Variants in TRIM62 observed in about 807,000 individuals in gnomAD.
TRIM62 encodes the protein tripartite motif containing 62.
Under a neutral mutation model 44.2 loss-of-function variants are expected in TRIM62, and 39 were observed. That is an observed-to-expected ratio of 0.88 (90% CI 0.68 to 1.15). The LOEUF (loss-of-function observed/expected upper bound fraction) is 1.15. TRIM62 is among the 50% of genes most tolerant of loss of function. TRIM62 has a pLI of 0.00. For missense variants in TRIM62, 544 were observed against 665.5 expected (o/e 0.82, Z 2.01); for synonymous variants, 278 against 292.3 (o/e 0.95, Z 0.50).
chr1:33,175,050 T>TATGTATATGTATATGTA (rs1557762590), intron 1 of TRIM62, among the ~76,000 whole-genome samples: 6 of 151,394 alleles, frequency 4.0e-5, no homozygotes, highest in East Asian at 1.9e-4. Context: ...TGTATATGTA[T>TATGTATATGTATATGTA]TTTTTTTAAG....
At chr1:33,169,515 G>A (rs1269423636) in intron 1 of TRIM62, among the ~76,000 whole-genome samples, 2 of 152,292 alleles carry the variant, frequency 1.3e-5, no homozygotes, top group Non-Finnish European at 1.5e-5. Context: ...AAGGGCAGAT[G>A]TATAAATGCT....
intron 4 of TRIM62, among the ~76,000 whole-genome samples, chr1:33,151,986 G>A (rs1337009669): frequency 2.0e-5 from 3 of 152,228 alleles, no homozygotes; most frequent in Non-Finnish European, 4.4e-5. Flanking sequence ...GTTTTCCTCT[G>A]GCCAGGCCTT....
chr1:33,175,050 T>TATGTATATGTATATGTATATGTA (rs1557762590), intron 1 of TRIM62, among the ~76,000 whole-genome samples: 1 of 151,396 alleles, frequency 6.6e-6, no homozygotes, highest in East Asian at 1.9e-4. Flanking sequence ...TGTATATGTA[T>TATGTATATGTATATGTATATGTA]TTTTTTTAAG....
intron 1 of TRIM62, among the ~76,000 whole-genome samples, chr1:33,169,884 G>A (rs1203082488): frequency 6.6e-6 from 1 of 152,134 alleles, no homozygotes; most frequent in Admixed American, 6.5e-5. Context: ...AGCTCGCAGG[G>A]CTCTCCAGGC....
Position 33,165,313 on chromosome 1 carries a change from T to G in TRIM62, c.504+158A>C. 1.6e-6 allele frequency: 1 copy of G among 616,304 alleles called. No individual in the cohort carries two copies. Among genetic ancestry groups the G allele is most frequent in the Non-Finnish European group, 2.8e-6 (1 of 362,156 alleles). The allele number at this position is 616,304 out of a possible 1,614,324, so 38.2% of individuals were successfully genotyped here. On this transcript the variant is annotated intron_variant, in intron 2 of 4. Transcript: ENST00000291416. This position sits in a 1 kb window ranked among gnomAD's most constrained non-coding sequence, Gnocchi z 4.0. ...ATTGAACTTCACGGATGCCCTACCC[T>G]CTTCCCCACCCTGCCCTTCTCACTC...
rs1645033305 is a variant in TRIM62, at chr1:33,147,322, A to T, written c.1283T>A (p.Ile428Asn). The T allele has an allele frequency of 6.2e-7, 1 of 1,614,106 alleles. No individual in the cohort carries two copies. Among genetic ancestry groups the T allele is most frequent in the Admixed American group, 1.7e-5 (1 of 60,010 alleles). ...VFLDYDQGLL[I>N]FYNADDMSWL... ...GGACATGTCATCAGCATTGTAGAAG[A>T]TGAGCAAGCCTTGGTCATAGTCCAG... Residue 428 changes from isoleucine (I) to asparagine (N), a missense_variant, in exon 5 of 5, where the codon ATC becomes AAC. Coordinates refer to ENST00000291416, the MANE Select transcript of TRIM62 (RefSeq NM_018207.3). The surrounding 1 kb of genome is among the most constrained non-coding windows in gnomAD (Gnocchi z 8.1).
chr1:33,151,254 A>T (rs966253394), intron 4 of TRIM62, among the ~76,000 whole-genome samples: 2 of 152,066 alleles, frequency 1.3e-5, no homozygotes, highest in Non-Finnish European at 2.9e-5. Context: ...AGCCCAGGGG[A>T]CAGGATGGGT....
In TRIM62 at chr1:33,145,875, T is replaced by C. The variant is rs1480720412; in HGVS notation, c.*1302A>G. On this transcript the variant is annotated 3_prime_UTR_variant, in exon 5 of 5. Transcript: ENST00000291416. ...AACTTCCTTCTAGGGAAATGACATT[T>C]CCCAGACTCCCTTGCAGCCAAGGTT... 3 of 471,008 alleles carry C rather than the reference T, an allele frequency of 6.4e-6. No homozygotes were observed. Among genetic ancestry groups the C allele is most frequent in the Non-Finnish European group, 1.3e-5 (3 of 227,046 alleles). 29.2% of individuals were successfully genotyped at this position (471,008 alleles called of 1,614,324 possible).
intron 1 of TRIM62, among the ~76,000 whole-genome samples, chr1:33,166,847 G>A (rs1459951316): frequency 6.6e-6 from 1 of 152,224 alleles, no homozygotes; most frequent in Non-Finnish European, 1.5e-5. Context: ...AGCATTGTTA[G>A]TGATCCTGGC....
At position 33,177,431 on chromosome 1, in the gene TRIM62, C is replaced by A. The variant is rs991627126; in HGVS notation, c.408+3594G>T. ...CCTTAGAGAAGGAGCCTTAGAGAAG[C>A]AAAGTGACGTGACCAAGGACACACA... On this transcript the variant is annotated intron_variant, in intron 1 of 4. Coordinates refer to ENST00000291416, the MANE Select transcript of TRIM62 (RefSeq NM_018207.3). The surrounding 1 kb of genome is among the most constrained non-coding windows in gnomAD (Gnocchi z 4.1). Among the ~76,000 whole-genome samples, 1 of 152,148 alleles carries A rather than the reference C, an allele frequency of 6.6e-6. No homozygotes were observed. Among genetic ancestry groups the A allele is most frequent in the Non-Finnish European group, 1.5e-5 (1 of 68,038 alleles).
chr1:33,173,668 C>T (rs1235090349), intron 1 of TRIM62, among the ~76,000 whole-genome samples: 1 of 132,970 alleles, frequency 7.5e-6, no homozygotes, highest in African/African-American at 2.8e-5. Context: ...ACCTTAAGCA[C>T]AGTTTCTTTC....
At chr1:33,179,682 T>C (rs896384910) in intron 1 of TRIM62, among the ~76,000 whole-genome samples, 7 of 152,146 alleles carry the variant, frequency 4.6e-5, no homozygotes, top group African/African-American at 1.7e-4. Context: ...TTTGGGGCCA[T>C]AGATAGGAGA....
At chr1:33,157,827 G>C (rs1645201879) in intron 4 of TRIM62, among the ~76,000 whole-genome samples, 1 of 151,840 alleles carries the variant, frequency 6.6e-6, no homozygotes, top group Admixed American at 6.6e-5. Flanking sequence ...CTCAGTCTCA[G>C]CTCACTGCAA....
chr1:33,172,543 C>T (rs914533323), intron 1 of TRIM62, among the ~76,000 whole-genome samples: 5 of 151,830 alleles, frequency 3.3e-5, no homozygotes, highest in African/African-American at 9.7e-5. Flanking sequence ...AGGGCCCCAT[C>T]GGAGCGGGGG....
At position 33,181,309 on chromosome 1, in the gene TRIM62, G is replaced by A; in HGVS notation, c.124C>T (p.Gln42Ter). 6.4e-7 allele frequency: 1 copy of A among 1,562,140 alleles called. No homozygotes were observed. Among genetic ancestry groups the A allele is most frequent in the Admixed American group, 1.9e-5 (1 of 52,214 alleles). ...CAGTCGCGGGCGCCCTGCGCCTCCT[G>A]CCGCACCCAGTGCTCCGTGATGCAG... ...RRCITEHWVRQEAQGARDCPE... is the reference protein window; with the variant it reads ...RRCITEHWVR The change falls in exon 1 of 5, where the codon CAG becomes TAG. Residue 42 changes from glutamine to a stop codon, truncating the protein, a stop_gained. Coordinates refer to ENST00000291416, the MANE Select transcript of TRIM62 (RefSeq NM_018207.3). LOFTEE classifies it high-confidence loss of function. This position sits in a 1 kb window ranked among gnomAD's most constrained non-coding sequence, Gnocchi z 6.5.
chr1:33,174,301 C>A (rs1645396745), intron 1 of TRIM62, among the ~76,000 whole-genome samples: 1 of 152,160 alleles, frequency 6.6e-6, no homozygotes, highest in Non-Finnish European at 1.5e-5. Context: ...CCCACCTCAG[C>A]CTCCCAAATA....
In TRIM62 at chr1:33,147,546, C is replaced by T. The variant is rs1168949046; in HGVS notation, c.1059G>A (p.Trp353Ter). ...SEAFSSGVHY[W>*]EVVVAEKTQW... ...GGGTCTTCTCCGCCACCACCACCTC[C>T]CAGTAGTGGACGCCACTACTGAAGG... The change falls in exon 5 of 5, where the codon TGG (tryptophan) becomes TGA (stop). Residue 353 changes from tryptophan (W) to a stop codon, truncating the protein, a stop_gained. Transcript: ENST00000291416. LOFTEE classifies it high-confidence loss of function. This position sits in a 1 kb window ranked among gnomAD's most constrained non-coding sequence, Gnocchi z 8.1. 6.2e-7 allele frequency: 1 copy of T among 1,614,072 alleles called. No individual in the cohort carries two copies. Among genetic ancestry groups the T allele is most frequent in the Non-Finnish European group, 8.5e-7 (1 of 1,180,042 alleles).
intron 1 of TRIM62, among the ~76,000 whole-genome samples, chr1:33,168,104 A>G (rs753576072): frequency 5.9e-5 from 9 of 152,186 alleles, no homozygotes; most frequent in Non-Finnish European, 1.2e-4. Flanking sequence ...TGGCCAGGGA[A>G]GGCTTCTCTG....
Position 33,167,315 on chromosome 1 carries a change from T to G in TRIM62, c.409-1749A>C, listed in dbSNP as rs962093256. On this transcript the variant is annotated intron_variant, in intron 1 of 4. Coordinates refer to ENST00000291416, the MANE Select transcript of TRIM62 (RefSeq NM_018207.3). This position sits in a 1 kb window ranked among gnomAD's most constrained non-coding sequence, Gnocchi z 4.2. ...CTTATCTCCTCACTAGAATGTGAGT[T>G]TCATGAGAGTAGTAGGAATCTTGTC... 1.3e-5 allele frequency among the ~76,000 whole-genome samples: 2 copies of G among 152,222 alleles called. No homozygotes were observed. Among genetic ancestry groups the G allele is most frequent in the African/African-American group, 4.8e-5 (2 of 41,448 alleles).
Sources: allele counts gnomAD v4.1 joint callset (sites outside exome capture counted in the v4.1 genomes callset), GRCh38; gene constraint gnomAD v4.1.1; non-coding constraint Gnocchi (gnomAD v3.1); transcripts MANE v1.5; gene names NCBI Gene and HGNC (gene_info 2026-07-23, HGNC 2026-07-21).